RAG1: variants seen among roughly 807,000 people sequenced by gnomAD.
RAG1 encodes V(D)J recombination-activating protein 1.
Under a neutral mutation model 62.7 loss-of-function variants are expected in RAG1, and 35 were observed. That is an observed-to-expected ratio of 0.56 (90% CI 0.43 to 0.74). The LOEUF (loss-of-function observed/expected upper bound fraction) is 0.74, where lower values mean the gene tolerates loss of function less well. RAG1 is among the 30% of genes least tolerant of loss of function. The pLI is 0.00. For missense variants in RAG1, 1,169 were observed against 1,278.6 expected (o/e 0.91, Z 1.31); for synonymous variants, 461 against 470.3 (o/e 0.98, Z 0.26).
At chr11:36,545,717 A>T (rs962993537) in intron 3 of RAG1, among the ~76,000 whole-genome samples, 2 of 152,208 alleles carry the variant, frequency 1.3e-5, no homozygotes, top group Non-Finnish European at 2.9e-5. Context: ...TCAACAGATT[A>T]TAACAAACCA....
Position 36,577,595 on chromosome 11 carries a change from C to A in RAG1, c.*1159C>A, listed in dbSNP as rs1315526187. On this transcript the variant is annotated 3_prime_UTR_variant, in exon 2 of 2. Transcript: ENST00000299440. ...CAGAAGAGTTAACATTTACACAGTG[C>A]TTTTTACCACTGTGGAATGTTTTCA... 1 of 166,962 alleles carries A rather than the reference C, an allele frequency of 6.0e-6. No homozygotes were observed. The highest frequency in any genetic ancestry group is 2.4e-5 in the African/African-American group (1 of 41,424). The allele number at this position is 166,962 out of a possible 1,614,324, so 10.3% of individuals were successfully genotyped here.
At chr11:36,539,172 C>G (rs1370798619), downstream of RAG1, among the ~76,000 whole-genome samples, 1 of 152,100 alleles carries the variant, frequency 6.6e-6, no homozygotes, top group South Asian at 2.1e-4. Context: ...GGTCTTAACC[C>G]AATAAGACTG....
chr11:36,531,585 G>A (rs11033683), intron 2 of RAG1, among the ~76,000 whole-genome samples: 23,585 of 151,770 alleles, frequency 0.16, 1,915 homozygotes, highest in Admixed American at 0.2. Context: ...TAATTTGAGC[G>A]TAATGTAGAA....
In RAG1 at chr11:36,575,846, C is replaced by G. The variant is rs999020322; in HGVS notation, c.2542C>G (p.Pro848Ala). 17 of 1,614,216 alleles carry G rather than the reference C, an allele frequency of 1.1e-5. No individual in the cohort carries two copies. Among genetic ancestry groups the G allele is most frequent in the Non-Finnish European group, 1.4e-5 (17 of 1,180,040 alleles). The change falls in exon 2 of 2, where the codon CCA becomes GCA. Residue 848 changes from proline to alanine, a missense_variant. This residue lies in a region of RAG1 where 800 missense variants were observed against 943.3 expected (regional missense o/e 0.85). Coordinates refer to ENST00000299440, the MANE Select transcript of RAG1 (RefSeq NM_000448.3). The surrounding 1 kb of genome is among the most constrained non-coding windows in gnomAD (Gnocchi z 4.1). ...TCTCCGGAAGAAGATGAACCTCAAA[C>G]CAATCATGAGGATGAATGGCAACTT... ...KHLRKKMNLK[P>A]IMRMNGNFAR...
chr11:36,546,899 C>T (rs1365514414), intron 3 of RAG1, among the ~76,000 whole-genome samples: 1 of 152,054 alleles, frequency 6.6e-6, no homozygotes, highest in African/African-American at 2.4e-5. Context: ...TTTCTTCGGG[C>T]TTGCAGGGTT....
At chr11:36,572,873 C>T (rs1373629223) in intron 1 of RAG1, among the ~76,000 whole-genome samples, 1 of 152,154 alleles carries the variant, frequency 6.6e-6, no homozygotes, top group Non-Finnish European at 1.5e-5. Flanking sequence ...TACAATGAGG[C>T]TAATACAATG....
At chr11:36,533,153 C>G (rs1860280093) in intron 2 of RAG1, among the ~76,000 whole-genome samples, 1 of 152,250 alleles carries the variant, frequency 6.6e-6, no homozygotes, top group South Asian at 2.1e-4. Flanking sequence ...CCCATAGAAA[C>G]AGGATGTCCT....
At chr11:36,516,352 C>CG (rs1479314476) in intron 1 of RAG1, among the ~76,000 whole-genome samples, 1 of 152,246 alleles carries the variant, frequency 6.6e-6, no homozygotes, top group Non-Finnish European at 1.5e-5. Flanking sequence ...GACGGAGTCT[C>CG]GCTCTGTCGC....
intron 2 of RAG1, among the ~76,000 whole-genome samples, chr11:36,525,048 C>G (rs1233295402): frequency 1.3e-5 from 2 of 150,512 alleles, no homozygotes; most frequent in Non-Finnish European, 3.0e-5. Context: ...CTTCCTTGTT[C>G]TTTTTTCCCT....
At chr11:36,560,676 G>A (rs1850570556) in intron 3 of RAG1, among the ~76,000 whole-genome samples, 1 of 152,098 alleles carries the variant, frequency 6.6e-6, no homozygotes, top group African/African-American at 2.4e-5. Context: ...CTGGGCTTAG[G>A]GACTGTGAGG....
Position 36,573,608 on chromosome 11 carries a change from A to G in RAG1, c.304A>G (p.Ile102Val). 1 of 1,614,218 alleles carries G rather than the reference A, an allele frequency of 6.2e-7. No individual in the cohort carries two copies. The highest frequency in any genetic ancestry group is 1.3e-5 in the African/African-American group (1 of 75,046). The change falls in exon 2 of 2, where the codon ATC (isoleucine) becomes GTC (valine). Residue 102 changes from isoleucine (I) to valine (V), a missense_variant. Transcript: ENST00000299440. Reference sequence around the variant, plus strand: ...CAACGAGAAAGCAAGAGGCAAAGCGATCCATCAAGCCAACCTTCGACATCT... The same window carrying G: ...CAACGAGAAAGCAAGAGGCAAAGCGGTCCATCAAGCCAACCTTCGACATCT... ...HDNEKARGKA[I>V]HQANLRHLCR...
In RAG1 at chr11:36,574,486, G is replaced by A. The variant is rs529480190; in HGVS notation, c.1182G>A (p.Arg394=). The A allele has an allele frequency of 6.2e-7, 1 of 1,614,178 alleles. No individual in the cohort carries two copies. Among genetic ancestry groups the A allele is most frequent in the African/African-American group, 1.3e-5 (1 of 75,070 alleles). ...EIFVHINKGG[R]PRQHLLSLTR... ...TTGTGCACATTAATAAAGGGGGCCG[G>A]CCCCGCCAACATCTTCTGTCGCTGA... Residue 394 remains arginine, a synonymous_variant, in exon 2 of 2, where the codon CGG becomes CGA. Transcript: ENST00000299440.
At chr11:36,547,165 A>C (rs892108613) in intron 3 of RAG1, among the ~76,000 whole-genome samples, 43 of 152,166 alleles carry the variant, frequency 2.8e-4, no homozygotes, top group Admixed American at 3.9e-4. Context: ...AAATGCCCAC[A>C]GGAGAAAGTG....
rs1850886450 is a variant in RAG1, at chr11:36,578,558, C to T, written c.*2122C>T. On this transcript the variant is annotated 3_prime_UTR_variant, in exon 2 of 2. Coordinates refer to ENST00000299440, the MANE Select transcript of RAG1 (RefSeq NM_000448.3). The stretch of plus-strand genomic sequence containing the variant: ...TTCTACTCTTTTTCTCTATTGGTGG[C>T]ACTGTAAATACTTTCCAGTATTAAA... 6.0e-6 allele frequency: 1 copy of T among 166,860 alleles called. No homozygotes were observed. The highest frequency in any genetic ancestry group is 1.5e-5 in the Non-Finnish European group (1 of 68,116). The allele number at this position is 166,860 out of a possible 1,614,324, so 10.3% of individuals were successfully genotyped here.
At chr11:36,535,627 C>T (rs1429401354) in intron 2 of RAG1, among the ~76,000 whole-genome samples, 1 of 151,918 alleles carries the variant, frequency 6.6e-6, no homozygotes, top group Non-Finnish European at 1.5e-5. Flanking sequence ...GCCTGTAATC[C>T]CAGCTACTCA....
downstream of RAG1, among the ~76,000 whole-genome samples, chr11:36,537,085 A>T (rs1860342519): frequency 6.6e-6 from 1 of 151,956 alleles, no homozygotes; most frequent in Admixed American, 6.6e-5. Flanking sequence ...TACAAAACAA[A>T]CAACAACAAT....
intron 1 of RAG1, among the ~76,000 whole-genome samples, chr11:36,514,232 A>T (rs150804801): frequency 6.6e-6 from 1 of 152,314 alleles, no homozygotes; most frequent in East Asian, 1.9e-4. Flanking sequence ...CTTGACTGCA[A>T]TCTCACAAGA....
At chr11:36,571,181 G>T (rs980323725) in intron 1 of RAG1, among the ~76,000 whole-genome samples, 2 of 152,182 alleles carry the variant, frequency 1.3e-5, no homozygotes, top group Non-Finnish European at 2.9e-5. Flanking sequence ...CTACAAACAT[G>T]CCTTATGATT....
chr11:36,564,470 C>A (rs987373288), upstream of RAG1, among the ~76,000 whole-genome samples: 2 of 152,136 alleles, frequency 1.3e-5, no homozygotes, highest in African/African-American at 4.8e-5. Context: ...TCTTCTTAGC[C>A]AGTTCATGGA....
Sources: gnomAD v4.1 joint callset for allele counts (sites outside exome capture counted in the v4.1 genomes callset) on GRCh38, gnomAD v4.1.1 for gene constraint, gnomAD v4.1.1 regional missense constraint, Gnocchi (gnomAD v3.1) non-coding constraint, MANE v1.5 for transcripts, NCBI Gene and HGNC (gene_info 2026-07-23, HGNC 2026-07-21) for gene names.